COL5A2: variants seen among roughly 807,000 people sequenced by gnomAD.
COL5A2 encodes collagen type V alpha 2 chain.
A neutral mutation model predicts 208.2 loss-of-function variants in COL5A2; 23 were observed. The observed-to-expected ratio is 0.11, with a 90% confidence interval of 0.08 to 0.16. COL5A2 has a LOEUF of 0.16. Ranked by LOEUF, COL5A2 falls within the 10% of genes least tolerant of loss-of-function variation. The pLI is 1.00. For synonymous variants in COL5A2, 625 were observed against 628.5 expected (o/e 0.99, Z 0.08); for missense variants, 1,590 against 1,956.4 (o/e 0.81, Z 3.53).
At chr2:189,315,051 G>C in the COL5A2 span, among the ~76,000 whole-genome samples, 1 of 152,076 alleles carries the variant, frequency 6.6e-6, no homozygotes, top group South Asian at 2.1e-4. Context: ...AAAATGTTGA[G>C]GAGGAAGGAC....
In COL5A2 at chr2:189,032,504, C is replaced by A. The variant is rs879020103; in HGVS notation, c.*1566G>T. 2.6e-5 allele frequency: 4 copies of A among 152,136 alleles called. No individual in the cohort carries two copies. The South Asian group carries it at 8.3e-4, about 32-fold the overall frequency. 9.4% of individuals were successfully genotyped at this position (152,136 alleles called of 1,614,324 possible). ...ATATGGTCAAAGGAATTTCACAAAA[C>A]AAAAACCACTGACATGACAAAAGCG... is the stretch of plus-strand genomic sequence containing the variant. On this transcript the variant is annotated 3_prime_UTR_variant, in exon 54 of 54. Coordinates refer to ENST00000374866, the MANE Select transcript of COL5A2 (RefSeq NM_000393.5).
the COL5A2 span, among the ~76,000 whole-genome samples, chr2:189,383,005 A>C: frequency 6.6e-6 from 1 of 152,194 alleles, no homozygotes; most frequent in African/African-American, 2.4e-5. Context: ...GAATGTCACC[A>C]TGGCTTGACC....
chr2:189,401,832 CT>C, the COL5A2 span, among the ~76,000 whole-genome samples: 2 of 152,154 alleles, frequency 1.3e-5, no homozygotes, highest in Non-Finnish European at 2.9e-5. Context: ...TGATGTTGAG[CT>C]TTTTTTCATG....
At chr2:189,148,948 T>C (rs375272038) in intron 1 of COL5A2, among the ~76,000 whole-genome samples, 1 of 152,142 alleles carries the variant, frequency 6.6e-6, no homozygotes, top group East Asian at 1.9e-4. Context: ...GAGACCAGCT[T>C]GACCAACATG....
chr2:189,259,142 A>G, the COL5A2 span, among the ~76,000 whole-genome samples: 1 of 152,156 alleles, frequency 6.6e-6, no homozygotes, highest in African/African-American at 2.4e-5. Context: ...CCTTTTGGAC[A>G]CTCTAGTCCA....
At chr2:189,430,766 G>A in the COL5A2 span, among the ~76,000 whole-genome samples, 2 of 152,350 alleles carry the variant, frequency 1.3e-5, no homozygotes, top group Middle Eastern at 6.8e-3. Context: ...GGGCATAGCT[G>A]AACAAAAGGC....
intron 52 of COL5A2, among the ~76,000 whole-genome samples, chr2:189,035,418 A>C (rs1685425321): frequency 6.6e-6 from 1 of 152,066 alleles, no homozygotes; most frequent in Admixed American, 6.6e-5. Context: ...AACAAGCATA[A>C]GTATTTTTAA....
At chr2:189,402,392 A>AT in the COL5A2 span, among the ~76,000 whole-genome samples, 7 of 151,410 alleles carry the variant, frequency 4.6e-5, no homozygotes, top group South Asian at 2.1e-4. Context: ...TAATTTTTGA[A>AT]TTTTTTTTAG....
rs1023616779 is a variant in COL5A2 at position 189,164,358 on chromosome 2, T to C, written c.97+15150A>G. On this transcript the variant is annotated intron_variant, in intron 1 of 53. Transcript: ENST00000374866. ...TATAGCAGAAAAATCACATTTTGTTTTTCTATCTGTTCTGTTTTTCCTCAA... is the reference window on the plus strand; with the variant it reads ...TATAGCAGAAAAATCACATTTTGTTCTTCTATCTGTTCTGTTTTTCCTCAA... Among the ~76,000 whole-genome samples the C allele has an allele frequency of 2.0e-5, 3 of 152,182 alleles. No homozygotes were observed. In the East Asian group the frequency reaches 5.8e-4, roughly 29 times the overall value.
chr2:189,139,271 C>A (rs2105768634), intron 1 of COL5A2, among the ~76,000 whole-genome samples: 1 of 152,144 alleles, frequency 6.6e-6, no homozygotes, highest in South Asian at 2.1e-4. Flanking sequence ...GTGAAACTCC[C>A]TCTCAAAAAT....
At chr2:189,178,166 A>T (rs1478297428) in intron 1 of COL5A2, among the ~76,000 whole-genome samples, 1 of 152,170 alleles carries the variant, frequency 6.6e-6, no homozygotes, top group Non-Finnish European at 1.5e-5. Context: ...ATTACCTCAT[A>T]TTTTAAAAAC....
intron 53 of COL5A2, 131 bp downstream of exon 53, chr2:189,034,785 G>A: frequency 1.0e-6 from 1 of 1,000,812 alleles, no homozygotes; most frequent in South Asian, 1.4e-5. Context: ...CCTAAGGAAT[G>A]ACTATAAACA....
At chr2:189,241,113 T>A in the COL5A2 span, among the ~76,000 whole-genome samples, 2 of 152,222 alleles carry the variant, frequency 1.3e-5, no homozygotes, top group Admixed American at 6.5e-5. Context: ...TGCCCTGTTT[T>A]ATTTCACATC....
At chr2:189,261,006 C>A in the COL5A2 span, among the ~76,000 whole-genome samples, 1 of 151,984 alleles carries the variant, frequency 6.6e-6, no homozygotes, top group South Asian at 2.1e-4. Context: ...CTGACATATC[C>A]ATCTATTTGA....
At chr2:189,186,694 C>A (rs1050568584) in intron 1 of COL5A2, among the ~76,000 whole-genome samples, 3 of 152,086 alleles carry the variant, frequency 2.0e-5, no homozygotes, top group African/African-American at 7.2e-5. Context: ...TCCATCACTG[C>A]TTTTTAAAAA....
chr2:189,079,088 C>G lies in COL5A2; in HGVS notation c.980G>C (p.Gly327Ala), dbSNP rs1339905147. ...CAGAGGACCCATGGCACCCATTGGA[C>G]CAGTGGGGCCAGCTTCACCCTAAAA... ...PGSKGEAGPT[G>A]PMGAMGPLGP... is the part of the protein sequence containing the mutation. The change falls in exon 15 of 54, where the codon GGT becomes GCT. Residue 327 changes from glycine (G) to alanine (A), a missense_variant. Gly to Ala is a moderately conservative substitution (Grantham distance 60). Coordinates refer to ENST00000374866, the MANE Select transcript of COL5A2 (RefSeq NM_000393.5). The G allele has an allele frequency of 6.2e-7, 1 of 1,612,896 alleles. No individual in the cohort carries two copies. The highest frequency in any genetic ancestry group is 1.1e-5 in the South Asian group (1 of 91,042).
At chr2:189,242,907 C>T in the COL5A2 span, among the ~76,000 whole-genome samples, 3 of 152,160 alleles carry the variant, frequency 2.0e-5, no homozygotes, top group Admixed American at 2.0e-4. Context: ...CCAGTCCAAT[C>T]CCTTGCTGGT....
At chr2:189,388,007 G>C in the COL5A2 span, among the ~76,000 whole-genome samples, 1 of 151,976 alleles carries the variant, frequency 6.6e-6, no homozygotes, top group South Asian at 2.1e-4. Flanking sequence ...CTAGTCTCAA[G>C]CTCCTGAGCT....
At chr2:189,346,734 G>A in the COL5A2 span, among the ~76,000 whole-genome samples, 1 of 152,106 alleles carries the variant, frequency 6.6e-6, no homozygotes, top group Admixed American at 6.6e-5. Flanking sequence ...GTCACATAAA[G>A]GTAACTCAGG....
Sources: gnomAD v4.1 joint callset for allele counts (sites outside exome capture counted in the v4.1 genomes callset) on GRCh38, gnomAD v4.1.1 for gene constraint, MANE v1.5 for transcripts, NCBI Gene and HGNC (gene_info 2026-07-23, HGNC 2026-07-21) for gene names.